The following PHTF2 variants were observed in gnomAD, a reference collection of about 807,000 sequenced individuals.
The protein encoded by PHTF2 is protein PHTF2.
A neutral mutation model predicts 101.2 loss-of-function variants in PHTF2; 60 were observed. That is an observed-to-expected ratio of 0.59 (90% confidence interval 0.48 to 0.73). The LOEUF is 0.73. PHTF2 is among the 30% of genes least tolerant of loss of function. PHTF2 has a pLI of 0.00. For synonymous variants in PHTF2, 311 were observed against 307.3 expected, an observed-to-expected ratio of 1.01 and a Z score of -0.13; for missense variants, 747 against 908.7, an observed-to-expected ratio of 0.82 and a Z score of 2.29.
chr7:77,813,604 C>T (rs754479315), intron 1 of PHTF2, among the ~76,000 whole-genome samples: 5 of 152,232 alleles, frequency 3.3e-5, no homozygotes, highest in Admixed American at 6.5e-5. Flanking sequence ...TGTATTTATT[C>T]AGCACCTTCT....
intron 3 of PHTF2, among the ~76,000 whole-genome samples, chr7:77,879,768 T>C (rs145746066): frequency 6.6e-5 from 10 of 152,314 alleles, no homozygotes; most frequent in African/African-American, 1.9e-4. Context: ...GTTTCTCTTA[T>C]GTATCTTATA....
At chr7:77,915,685 ACT>A (rs1403532472) in intron 9 of PHTF2, among the ~76,000 whole-genome samples, 1 of 151,908 alleles carries the variant, frequency 6.6e-6, no homozygotes, top group Non-Finnish European at 1.5e-5. Flanking sequence ...GGAGGCCACC[ACT>A]CTCGGGCCAG....
chr7:77,898,660 G>A (rs181712292), intron 5 of PHTF2, among the ~76,000 whole-genome samples: 164 of 152,232 alleles, frequency 1.1e-3, no homozygotes, highest in Middle Eastern at 0.01. Context: ...ATTGCTGCCT[G>A]GGGAAGTACC....
chr7:77,846,698 A>G (rs1010642525), intron 2 of PHTF2, among the ~76,000 whole-genome samples: 1 of 147,826 alleles, frequency 6.8e-6, no homozygotes, highest in African/African-American at 2.5e-5. Context: ...GCTGTTGTGC[A>G]GTGACACAGT....
rs1292529381 is a variant in PHTF2, at chr7:77,931,615, ATGTT to A, written c.1338+2296_1338+2299del. ...GTGAAGAGAGAACTCTTTAATACTG[ATGTT>A]TGTTTGTACAGCTACTTTGAAGAGC... On this transcript the variant is annotated intron_variant, in intron 12 of 19. Transcript: ENST00000416283. 2.6e-5 allele frequency among the ~76,000 whole-genome samples: 4 copies of A among 152,178 alleles called. No individual in the cohort carries two copies. In the East Asian group the frequency reaches 7.7e-4, roughly 29 times the overall value.
intron 3 of PHTF2, among the ~76,000 whole-genome samples, chr7:77,860,494 T>C (rs1405575210): frequency 6.6e-6 from 1 of 152,210 alleles, no homozygotes; most frequent in Admixed American, 6.5e-5. Context: ...TTCTTAACTT[T>C]CCTAAGCCTT....
intron 2 of PHTF2, among the ~76,000 whole-genome samples, chr7:77,851,598 GA>G (rs1347853286): frequency 1.4e-5 from 2 of 144,902 alleles, no homozygotes; most frequent in African/African-American, 2.6e-5. Flanking sequence ...TTTCTGCTCT[GA>G]TTTTTTTTTT....
chr7:77,925,398 A>C (rs1803867634), intron 11 of PHTF2, among the ~76,000 whole-genome samples: 1 of 146,426 alleles, frequency 6.8e-6, no homozygotes, highest in East Asian at 2.1e-4. Flanking sequence ...TTTAGACTTT[A>C]TTTGGTAATT....
intron 9 of PHTF2, among the ~76,000 whole-genome samples, chr7:77,917,263 A>G (rs1402108699): frequency 1.3e-5 from 2 of 152,142 alleles, no homozygotes; most frequent in African/African-American, 2.4e-5. Flanking sequence ...ACTTTCTGGC[A>G]CAACAAAATG....
chr7:77,939,589 C>CAAAA (rs914007792), intron 13 of PHTF2, among the ~76,000 whole-genome samples: 7 of 75,090 alleles, frequency 9.3e-5, no homozygotes, highest in African/African-American at 2.4e-4. Context: ...GACCCTGTCT[C>CAAAA]AAAAAAAAAA....
chr7:77,833,378 G>T (rs1422390692), intron 1 of PHTF2, among the ~76,000 whole-genome samples: 2 of 152,256 alleles, frequency 1.3e-5, no homozygotes, highest in South Asian at 4.1e-4. Context: ...ATTTTATTTT[G>T]TAAGCAGCAG....
chr7:77,833,075 G>C (rs1795192569), intron 1 of PHTF2, among the ~76,000 whole-genome samples: 1 of 152,186 alleles, frequency 6.6e-6, no homozygotes, highest in African/African-American at 2.4e-5. Flanking sequence ...AGTTACTGCA[G>C]TAACTGAAAT....
chr7:77,924,020 T>A, intron 11 of PHTF2: 1 of 900,068 alleles, frequency 1.1e-6, no homozygotes, highest in South Asian at 5.1e-5. Context: ...ATATAAAATA[T>A]GGCTATAAAA....
intron 1 of PHTF2, among the ~76,000 whole-genome samples, chr7:77,817,396 C>T (rs1793932482): frequency 6.6e-6 from 1 of 152,174 alleles, no homozygotes; most frequent in African/African-American, 2.4e-5. Context: ...GTTTAATTGA[C>T]TCACAGTTGA....
chr7:77,908,764 T>C (rs765688393), intron 7 of PHTF2, 29 bp from the exon 7 acceptor site: 32 of 1,442,840 alleles, frequency 2.2e-5, no homozygotes, highest in Non-Finnish European at 3.0e-5. Flanking sequence ...AGATCTATAA[T>C]TAAGCATATT....
At chr7:77,937,764 A>G (rs376761717) in exon 13 of PHTF2, 25 of 1,517,638 alleles carry the variant, frequency 1.6e-5, no homozygotes, top group Non-Finnish European at 2.3e-5. Flanking sequence ...AATAAGTGCT[A>G]TAGTATGGGA....
At chr7:77,913,640 G>A (rs1281876701) in intron 9 of PHTF2, among the ~76,000 whole-genome samples, 2 of 152,034 alleles carry the variant, frequency 1.3e-5, no homozygotes, top group African/African-American at 4.8e-5. Flanking sequence ...AGGAATTACA[G>A]CTCTCACTAT....
At chr7:77,901,359 A>G (rs892953258) in intron 6 of PHTF2, among the ~76,000 whole-genome samples, 1 of 152,186 alleles carries the variant, frequency 6.6e-6, no homozygotes, top group Non-Finnish European at 1.5e-5. Flanking sequence ...ACAATGGCTC[A>G]CACCTATAAT....
intron 12 of PHTF2, among the ~76,000 whole-genome samples, chr7:77,930,981 C>T (rs1160132202): frequency 1.3e-5 from 2 of 151,874 alleles, no homozygotes; most frequent in South Asian, 2.1e-4. Context: ...ACATATATAC[C>T]GATGGAACAG....
Sources: gnomAD v4.1 joint callset for allele counts (sites outside exome capture counted in the v4.1 genomes callset) on GRCh38, gnomAD v4.1.1 for gene constraint, MANE v1.5 for transcripts, NCBI Gene and HGNC (gene_info 2026-07-23, HGNC 2026-07-21) for gene names.